The following DST variants were observed in gnomAD, a reference collection of about 807,000 sequenced individuals.
The protein encoded by DST is dystonin.
In DST, 253 loss-of-function variants were observed where a neutral mutation model predicts 875.2. That is an observed-to-expected ratio of 0.29 (90% CI 0.26 to 0.32). The LOEUF is 0.32. DST is among the 10% of genes least tolerant of loss of function. The pLI is 1.00. For synonymous variants in DST, 3,124 were observed against 3,197.1 expected (o/e 0.98, Z 0.77); for missense variants, 8,287 against 9,111.6 (o/e 0.91, Z 3.68).
chr6:56,847,072 T>A (rs544522308), intron 4 of DST, among the ~76,000 whole-genome samples: 1 of 148,238 alleles, frequency 6.7e-6, no homozygotes, highest in East Asian at 2.0e-4. Context: ...ATCCCAACAC[T>A]TTGGGAGGCC....
intron 4 of DST, chr6:56,842,935 A>G: frequency 1.0e-6 from 1 of 980,152 alleles, no homozygotes; most frequent in Non-Finnish European, 1.3e-6. Context: ...TCCATTCCCA[A>G]GACTGGTCCA....
chr6:56,953,890 T>G, intron 1 of DST, 71 bp from the exon 2 acceptor site: 1 of 1,153,810 alleles, frequency 8.7e-7, no homozygotes, highest in Non-Finnish European at 1.2e-6. Flanking sequence ...ACTCATGACT[T>G]ACCTGGGAGA....
chr6:56,630,535 T>C, intron 30 of DST, 152 bp from the exon 31 acceptor site: 1 of 751,388 alleles, frequency 1.3e-6, no homozygotes, highest in Non-Finnish European at 2.2e-6. Context: ...TTTCTGGCTT[T>C]CTTCTTAATA....
Position 56,483,527 on chromosome 6 carries a change from C to CTTTTTTTTTT in DST, c.21208-660_21208-651dup, listed in dbSNP as rs138042978. 1.7e-4 allele frequency: 10 copies of CTTTTTTTTTT among 60,040 alleles called. 1 individual carries two copies. The highest frequency in any genetic ancestry group is 6.8e-4 in the African/African-American group (9 of 13,204). The allele number at this position is 60,040 out of a possible 1,614,324, so 3.7% of individuals were successfully genotyped here. On this transcript the variant is annotated intron_variant, in intron 88 of 103. Transcript: ENST00000680361. ...CTTAGAGGAAAAGCTTCTGGGTTTG[C>CTTTTTTTTTT]TTTTTTTTTTTTTTTTTTTTTTTTT...
Position 56,459,282 on chromosome 6 carries a change from T to C in DST, c.23195-15A>G. 1 of 1,608,308 alleles carries C rather than the reference T, an allele frequency of 6.2e-7. No homozygotes were observed. The highest frequency in any genetic ancestry group is 1.1e-5 in the South Asian group (1 of 90,080). ...CTTCTTGGAATCTGAGGAAAGAAGG[T>C]AGAGACAGCTCACCCTTATTATTGG... On this transcript the variant is annotated splice_polypyrimidine_tract_variant and intron_variant, in intron 103 of 103. Coordinates refer to ENST00000680361, the MANE Select transcript of DST (RefSeq NM_001374736.1).
At chr6:56,615,375 C>G in intron 36 of DST, 3 of 1,518,194 alleles carry the variant, frequency 2.0e-6, no homozygotes, top group East Asian at 4.9e-5. Flanking sequence ...CTATTTTGAG[C>G]ACTTAGCAAT....
At chr6:56,635,794 T>A in intron 23 of DST, 80 bp from the exon 24 acceptor site, 1 of 1,460,562 alleles carries the variant, frequency 6.8e-7, no homozygotes, top group South Asian at 1.1e-5. Context: ...AATACCAAGG[T>A]CCTATGTGTA....
At chr6:56,641,818 C>A (rs2098907633) in intron 17 of DST, 129 bp downstream of exon 17, 1 of 720,986 alleles carries the variant, frequency 1.4e-6, no homozygotes, top group African/African-American at 1.8e-5. Flanking sequence ...AAATGTGACA[C>A]ACATTTTCAA....
At chr6:56,506,402 C>G (rs1160929285) in intron 77 of DST, 41 bp downstream of exon 77, 1 of 1,507,714 alleles carries the variant, frequency 6.6e-7, no homozygotes, top group Non-Finnish European at 9.1e-7. Flanking sequence ...TACGATTCCT[C>G]CTTCCAGCTA....
At chr6:56,509,964 T>G (rs964886153) in intron 73 of DST, 91 bp from the exon 74 acceptor site, 4 of 990,596 alleles carry the variant, frequency 4.0e-6, no homozygotes, top group Admixed American at 2.9e-5. Flanking sequence ...TACAATTTAA[T>G]GTCAGAATTA....
chr6:56,899,670 T>C (rs1307704722), intron 3 of DST, among the ~76,000 whole-genome samples: 1 of 152,234 alleles, frequency 6.6e-6, no homozygotes, highest in Non-Finnish European at 1.5e-5. Flanking sequence ...AGTCATAAAA[T>C]TACTTTACAA....
chr6:56,758,431 C>G (rs1172892382), intron 4 of DST, among the ~76,000 whole-genome samples: 2 of 139,734 alleles, frequency 1.4e-5, no homozygotes, highest in Non-Finnish European at 3.0e-5. Context: ...GAACCTGGGT[C>G]CCTGTTCCAG....
chr6:56,842,589 T>C (rs1435008417), intron 4 of DST, among the ~76,000 whole-genome samples: 1 of 152,172 alleles, frequency 6.6e-6, no homozygotes, highest in Admixed American at 6.5e-5. Context: ...AGTAAGTATA[T>C]AGTCACAAAC....
chr6:56,555,266 T>C, intron 60 of DST, 79 bp downstream of exon 60: 1 of 1,463,620 alleles, frequency 6.8e-7, no homozygotes, highest in Non-Finnish European at 9.2e-7. Context: ...GGTCCTGGAT[T>C]ATTGGCAACA....
intron 50 of DST, among the ~76,000 whole-genome samples, chr6:56,577,697 T>A (rs1189590791): frequency 6.6e-6 from 1 of 152,214 alleles, no homozygotes; most frequent in Non-Finnish European, 1.5e-5. Context: ...AACATATGTC[T>A]AATCATCTGT....
At chr6:56,659,859 A>G (rs1178138491) in intron 10 of DST, among the ~76,000 whole-genome samples, 2 of 152,214 alleles carry the variant, frequency 1.3e-5, no homozygotes, top group African/African-American at 4.8e-5. Flanking sequence ...TTCTAAGGCA[A>G]TGACAGAGAT....
intron 69 of DST, among the ~76,000 whole-genome samples, chr6:56,525,497 T>A (rs899937119): frequency 3.3e-5 from 5 of 152,214 alleles, no homozygotes; most frequent in African/African-American, 1.2e-4. Context: ...ATTCCATTTC[T>A]ATGGCAACAT....
chr6:56,812,110 AAAAGAAAAGAAAAGAAAAG>A (rs1226716300), intron 4 of DST, among the ~76,000 whole-genome samples: 1,236 of 59,266 alleles, frequency 0.021, 18 homozygotes, highest in African/African-American at 0.073. Context: ...TCAAAAAAAA[AAAAGAAAAGAAAAGAAAAG>A]AAAAGAAAAG....
chr6:56,472,780 T>A (rs911543896), intron 93 of DST, among the ~76,000 whole-genome samples: 4 of 152,238 alleles, frequency 2.6e-5, no homozygotes, highest in African/African-American at 9.6e-5. Context: ...TGAGATTGCA[T>A]GTTTCCTGTG....
Sources: gnomAD v4.1 joint callset for allele counts (sites outside exome capture counted in the v4.1 genomes callset) on GRCh38, gnomAD v4.1.1 for gene constraint, MANE v1.5 for transcripts, NCBI Gene and HGNC (gene_info 2026-07-23, HGNC 2026-07-21) for gene names.